Variants in RASA3 observed in about 807,000 individuals in gnomAD.
The protein encoded by RASA3 is ras GTPase-activating protein 3.
A neutral mutation model predicts 110.0 loss-of-function variants in RASA3; 73 were observed. That is an observed-to-expected ratio of 0.66 (90% CI 0.55 to 0.81). RASA3 has a LOEUF of 0.81. Ranked by LOEUF, RASA3 falls within the 30% of genes least tolerant of loss-of-function variation. The pLI is 0.00. For missense variants in RASA3, 976 were observed against 1,113.2 expected (o/e 0.88, Z 1.75); for synonymous variants, 500 against 451.4 (o/e 1.11, Z -1.37).
intron 9 of RASA3, among the ~76,000 whole-genome samples, chr13:114,020,387 C>CT (rs373295457): frequency 1.1e-4 from 16 of 152,312 alleles, no homozygotes; most frequent in African/African-American, 3.6e-4. Context: ...TGGTGGCTGC[C>CT]TTGGCTACCA....
chr13:114,100,233 G>A (rs371167624), intron 1 of RASA3, among the ~76,000 whole-genome samples: 10 of 151,940 alleles, frequency 6.6e-5, no homozygotes, highest in East Asian at 2.0e-4. Context: ...CTGAGGGCGC[G>A]CCGATGTGGA....
At chr13:114,103,203 C>T (rs749353946) in intron 1 of RASA3, among the ~76,000 whole-genome samples, 60 of 152,252 alleles carry the variant, frequency 3.9e-4, no homozygotes, top group Middle Eastern at 3.4e-3. Flanking sequence ...CCAAGTCCAC[C>T]GGAAATGTGT....
chr13:114,017,527 A>G (rs989324807), intron 11 of RASA3, among the ~76,000 whole-genome samples, 176 bp from the exon 12 acceptor site: 5 of 152,228 alleles, frequency 3.3e-5, no homozygotes, highest in African/African-American at 1.2e-4. Flanking sequence ...GGCCCTGGCC[A>G]TGGAACCGTC....
At chr13:114,000,554 A>C (rs538525247) in intron 19 of RASA3, among the ~76,000 whole-genome samples, 1 of 152,232 alleles carries the variant, frequency 6.6e-6, no homozygotes, top group Non-Finnish European at 1.5e-5. Context: ...GGACGTGGAC[A>C]GAAAAGCACC....
intron 1 of RASA3, among the ~76,000 whole-genome samples, chr13:114,120,559 T>A (rs1475577035): frequency 4.3e-5 from 5 of 116,858 alleles, no homozygotes; most frequent in African/African-American, 1.6e-4. Context: ...CAGCCAGGCG[T>A]CGATCAGGGC....
chr13:114,101,507 G>A (rs2080059914), intron 1 of RASA3, among the ~76,000 whole-genome samples: 1 of 152,206 alleles, frequency 6.6e-6, no homozygotes, highest in South Asian at 2.1e-4. Context: ...TGGACAATCC[G>A]AACCTGGAGG....
chr13:113,990,176 T>A (rs889879237), intron 22 of RASA3, among the ~76,000 whole-genome samples: 1 of 152,172 alleles, frequency 6.6e-6, no homozygotes, highest in African/African-American at 2.4e-5. Flanking sequence ...CAACCATGCT[T>A]CCTGTACAGC....
At chr13:113,982,432 C>T (rs1050661588) in intron 22 of RASA3, among the ~76,000 whole-genome samples, 2 of 152,240 alleles carry the variant, frequency 1.3e-5, no homozygotes, top group African/African-American at 4.8e-5. Context: ...GCCCCGGACC[C>T]CACCTACGCA....
intron 5 of RASA3, 72 bp downstream of exon 5, chr13:114,029,739 C>T: frequency 7.1e-7 from 1 of 1,413,378 alleles, no homozygotes; most frequent in Admixed American, 2.0e-5. Context: ...GGTGTGAAAA[C>T]CCCTGTGTGC....
At chr13:114,074,710 C>A (rs766637131) in intron 1 of RASA3, among the ~76,000 whole-genome samples, 1 of 152,236 alleles carries the variant, frequency 6.6e-6, no homozygotes, top group Admixed American at 6.5e-5. Flanking sequence ...CCCACAGAGA[C>A]GCCACCTGGA....
intron 4 of RASA3, among the ~76,000 whole-genome samples, chr13:114,038,639 T>C (rs1020645047): frequency 2.0e-5 from 3 of 152,168 alleles, no homozygotes; most frequent in African/African-American, 7.2e-5. Context: ...TGTGCACAGC[T>C]CATGACCTTG....
chr13:114,036,370 T>C (rs12021000), intron 4 of RASA3, among the ~76,000 whole-genome samples: 72,665 of 152,098 alleles, frequency 0.48, 17,980 homozygotes, highest in Middle Eastern at 0.65. Flanking sequence ...CCCCATGGGC[T>C]GCTTCTGTGA....
At chr13:114,051,580 AG>A (rs1425766177) in intron 3 of RASA3, among the ~76,000 whole-genome samples, 1 of 152,200 alleles carries the variant, frequency 6.6e-6, no homozygotes, top group Non-Finnish European at 1.5e-5. Context: ...ATCTCCTGGA[AG>A]TAACAGTATT....
intron 1 of RASA3, among the ~76,000 whole-genome samples, chr13:114,094,734 ACTT>A (rs1180810895): frequency 5.9e-5 from 9 of 152,286 alleles, no homozygotes; most frequent in African/African-American, 1.9e-4. Flanking sequence ...ATAAATAAAT[ACTT>A]CTTTTAGAGC....
intron 9 of RASA3, among the ~76,000 whole-genome samples, chr13:114,020,306 C>A (rs1444589202): frequency 1.3e-5 from 2 of 151,950 alleles, no homozygotes; most frequent in African/African-American, 4.8e-5. Context: ...AGGCATTAGC[C>A]GCCCCCCATC....
At chr13:114,074,400 C>A (rs745387144) in intron 1 of RASA3, among the ~76,000 whole-genome samples, 1 of 152,244 alleles carries the variant, frequency 6.6e-6, no homozygotes, top group Non-Finnish European at 1.5e-5. Context: ...CCGGCTCACT[C>A]TACTCAGCAA....
At chr13:114,023,517 G>T (rs751631889) in intron 8 of RASA3, among the ~76,000 whole-genome samples, 1 of 152,234 alleles carries the variant, frequency 6.6e-6, no homozygotes, top group Non-Finnish European at 1.5e-5. Flanking sequence ...CAGAGGCTAC[G>T]TTCAAAAATA....
At chr13:114,026,332 C>A (rs755981170) in intron 7 of RASA3, among the ~76,000 whole-genome samples, 6 of 152,160 alleles carry the variant, frequency 3.9e-5, no homozygotes, top group Non-Finnish European at 8.8e-5. Context: ...CAACAGGGCC[C>A]ACCCTCCCCC....
At chr13:114,054,031 C>G (rs1039128636) in intron 2 of RASA3, among the ~76,000 whole-genome samples, 1 of 152,134 alleles carries the variant, frequency 6.6e-6, no homozygotes, top group Non-Finnish European at 1.5e-5. Flanking sequence ...GAGGCTGAGG[C>G]AGGAGAATCG....
Sources: gnomAD v4.1 joint callset for allele counts (sites outside exome capture counted in the v4.1 genomes callset) on GRCh38, gnomAD v4.1.1 for gene constraint, MANE v1.5 for transcripts, NCBI Gene and HGNC (gene_info 2026-07-23, HGNC 2026-07-21) for gene names.